Variants in AOPEP observed in about 807,000 individuals in gnomAD.
The protein encoded by AOPEP is aminopeptidase O (putative).
In AOPEP, 77 loss-of-function variants were observed where a neutral mutation model predicts 98.1. The ratio of observed to expected loss-of-function variants is 0.78; its 90% confidence interval spans 0.65 to 0.95. The LOEUF (loss-of-function observed/expected upper bound fraction) is 0.95, where lower values mean the gene tolerates loss of function less well. Ranked by LOEUF, AOPEP falls within the 40% of genes least tolerant of loss-of-function variation. The pLI is 0.00. For missense variants in AOPEP, 1,024 were observed against 1,024.7 expected (o/e 1.00, Z 0.01); for synonymous variants, 346 against 365.3 (o/e 0.95, Z 0.60).
chr9:95,082,744 T>C lies in AOPEP; in HGVS notation c.*4+25T>C, dbSNP rs375438942. On this transcript the variant is annotated intron_variant, in intron 16 of 16. Coordinates refer to ENST00000375315, the MANE Select transcript of AOPEP (RefSeq NM_001193329.3). ...GGTGATTCTCTCCCTTTCCTTTCTG[T>C]CATTTAGTTCTAACCAGATACTCCT... 248 of 1,613,126 alleles carry C rather than the reference T, an allele frequency of 1.5e-4. No individual in the cohort carries two copies. The Admixed American group carries it at 2.5e-3, about 16-fold the overall frequency.
chr9:94,875,878 T>C (rs1353876649), intron 5 of AOPEP, among the ~76,000 whole-genome samples: 4 of 152,190 alleles, frequency 2.6e-5, no homozygotes, highest in Non-Finnish European at 5.9e-5. Flanking sequence ...GCTGAATAAT[T>C]CTTTCTTACT....
intron 5 of AOPEP, among the ~76,000 whole-genome samples, chr9:94,801,563 G>T (rs1183527007): frequency 2.0e-5 from 3 of 152,196 alleles, no homozygotes. Flanking sequence ...CTTACTGTGG[G>T]GGTTGGAGGA....
At chr9:95,110,674 C>A in the AOPEP span, 1 of 1,051,636 alleles carries the variant, frequency 9.5e-7, no homozygotes, top group East Asian at 5.5e-5. Context: ...CAGAAAATGC[C>A]AAAGCCAAGA....
At chr9:94,730,284 A>C (rs1273996595) in intron 1 of AOPEP, among the ~76,000 whole-genome samples, 1 of 122,606 alleles carries the variant, frequency 8.2e-6, no homozygotes, top group Admixed American at 8.5e-5. Flanking sequence ...ACTCCATCTC[A>C]AAAAAAAAAA....
intron 16 of AOPEP, chr9:95,085,878 C>T (rs1587985628): frequency 8.4e-7 from 1 of 1,192,674 alleles, no homozygotes; most frequent in Non-Finnish European, 1.1e-6. Flanking sequence ...GCGGGGCTTT[C>T]GGAGGAGCTC....
chr9:95,040,491 G>A (rs1349261218), intron 13 of AOPEP, among the ~76,000 whole-genome samples: 1 of 152,210 alleles, frequency 6.6e-6, no homozygotes, highest in African/African-American at 2.4e-5. Flanking sequence ...TGAAGGAACG[G>A]CATTGAGGCC....
At chr9:95,068,438 A>T (rs1184899194) in intron 14 of AOPEP, among the ~76,000 whole-genome samples, 1 of 152,096 alleles carries the variant, frequency 6.6e-6, no homozygotes, top group Non-Finnish European at 1.5e-5. Flanking sequence ...GCATCTTTTC[A>T]TGTGCATATT....
intron 14 of AOPEP, among the ~76,000 whole-genome samples, chr9:95,063,917 C>CAAA (rs35040077): frequency 6.8e-6 from 1 of 146,940 alleles, no homozygotes. Context: ...AAGGCAGTTT[C>CAAA]AAAAAAAAAA....
At chr9:95,044,659 T>G (rs747878154) in intron 13 of AOPEP, among the ~76,000 whole-genome samples, 91 of 151,838 alleles carry the variant, frequency 6.0e-4, no homozygotes, top group Admixed American at 1.7e-3. Flanking sequence ...TGCAGAAAGG[T>G]TTGTTGAAGG....
At chr9:95,127,641 C>T in the AOPEP span, among the ~76,000 whole-genome samples, 5 of 152,212 alleles carry the variant, frequency 3.3e-5, no homozygotes, top group Non-Finnish European at 5.9e-5. Context: ...GTGGATCAGG[C>T]GCTATTGGAA....
At chr9:94,832,240 G>C (rs568916736) in intron 5 of AOPEP, among the ~76,000 whole-genome samples, 1 of 152,260 alleles carries the variant, frequency 6.6e-6, no homozygotes, top group African/African-American at 2.4e-5. Flanking sequence ...CAGTCATATA[G>C]AAAAATGAGC....
the AOPEP span, among the ~76,000 whole-genome samples, chr9:95,130,745 T>A: frequency 6.6e-6 from 1 of 152,240 alleles, no homozygotes; most frequent in Admixed American, 6.5e-5. Flanking sequence ...GTTGTTAATA[T>A]GTGCATATTC....
In AOPEP at chr9:94,838,219, C is replaced by T. The variant is rs530485972; in HGVS notation, c.1364+37217C>T. On this transcript the variant is annotated intron_variant, in intron 5 of 16. Transcript: ENST00000375315. ...AGAGATGGGGTTTCACTGCATTAGC[C>T]AGGCTGGTCTTGATCTCCTGACCTT... Among the ~76,000 whole-genome samples the T allele has an allele frequency of 2.0e-5, 3 of 152,310 alleles. No homozygotes were observed. The South Asian group carries it at 6.2e-4, about 32-fold the overall frequency.
chr9:95,012,989 G>T (rs1056238632), intron 13 of AOPEP, among the ~76,000 whole-genome samples: 3 of 117,226 alleles, frequency 2.6e-5, no homozygotes, highest in African/African-American at 1.2e-4. Flanking sequence ...TTTTTTTTTG[G>T]GGGGGGGGGC....
At chr9:95,090,974 C>T (rs919078694), downstream of AOPEP, among the ~76,000 whole-genome samples, 1 of 152,164 alleles carries the variant, frequency 6.6e-6, no homozygotes, top group African/African-American at 2.4e-5. Flanking sequence ...CCCTCAATGA[C>T]AAAGGGGTCC....
intron 13 of AOPEP, chr9:95,019,903 G>T (rs2063318727): frequency 6.6e-6 from 1 of 152,204 alleles, no homozygotes. Flanking sequence ...TGTTATGAAA[G>T]CTACTAGAGG....
intron 5 of AOPEP, among the ~76,000 whole-genome samples, chr9:94,805,709 A>G (rs1031455429): frequency 6.6e-6 from 1 of 152,140 alleles, no homozygotes; most frequent in Non-Finnish European, 1.5e-5. Flanking sequence ...TTGCATGCAC[A>G]ATTTTCTTAA....
chr9:95,000,449 T>G (rs1242598123), intron 11 of AOPEP, among the ~76,000 whole-genome samples: 1 of 152,250 alleles, frequency 6.6e-6, no homozygotes, highest in Non-Finnish European at 1.5e-5. Flanking sequence ...GGCTCACGTC[T>G]GTAATCTCAG....
Position 95,005,619 on chromosome 9 carries a change from A to C in AOPEP, c.2115+3A>C. 1 of 1,613,734 alleles carries C rather than the reference A, an allele frequency of 6.2e-7. No individual in the cohort carries two copies. The highest frequency in any genetic ancestry group is 8.5e-7 in the Non-Finnish European group (1 of 1,179,686). Reference sequence around the variant, plus strand: ...AGAAGGAAGAGGTGTTTGAAAAGGTAGGGGTTCCCGAGACGGTACTCGGTG... The same window carrying C: ...AGAAGGAAGAGGTGTTTGAAAAGGTCGGGGTTCCCGAGACGGTACTCGGTG... On this transcript the variant is annotated splice_donor_region_variant and intron_variant, in intron 13 of 16. Transcript: ENST00000375315.
Sources: allele counts gnomAD v4.1 joint callset (sites outside exome capture counted in the v4.1 genomes callset), GRCh38; gene constraint gnomAD v4.1.1; transcripts MANE v1.5; gene names NCBI Gene and HGNC (gene_info 2026-07-23, HGNC 2026-07-21).